The following GSS variants were observed in gnomAD, a reference collection of about 807,000 sequenced individuals.
GSS encodes GSH synthetase.
In GSS, 34 loss-of-function variants were observed where a neutral mutation model predicts 60.4. The ratio of observed to expected loss-of-function variants is 0.56; its 90% CI spans 0.43 to 0.75. GSS has a LOEUF of 0.75. GSS is among the 30% of genes least tolerant of loss of function. The pLI is 0.00. For synonymous variants in GSS, 224 were observed against 239.0 expected (o/e 0.94, Z 0.58); for missense variants, 499 against 595.1 (o/e 0.84, Z 1.68).
chr20:34,930,782 A>G (rs2081395065), intron 11 of GSS, among the ~76,000 whole-genome samples: 2 of 152,078 alleles, frequency 1.3e-5, no homozygotes, highest in Admixed American at 6.5e-5. Flanking sequence ...CAGGATGCAA[A>G]CCATTTTTCC....
At chr20:34,938,441 T>G (rs574745266) in intron 6 of GSS, among the ~76,000 whole-genome samples, 1 of 152,172 alleles carries the variant, frequency 6.6e-6, no homozygotes, top group African/African-American at 2.4e-5. Context: ...TTAAGCTGAG[T>G]CTTGGCTTTG....
chr20:34,945,811 C>T (rs2081516527), intron 3 of GSS, 142 bp downstream of exon 3: 1 of 832,108 alleles, frequency 1.2e-6, no homozygotes, highest in Non-Finnish European at 2.0e-6. Context: ...GCTTTCCTGA[C>T]TCCTATGACT....
intron 3 of GSS, among the ~76,000 whole-genome samples, chr20:34,944,572 C>A (rs576471761): frequency 2.6e-4 from 39 of 152,266 alleles, no homozygotes; most frequent in Admixed American, 4.6e-4. Flanking sequence ...AAAAATTAAT[C>A]AAAGACATGC....
In GSS at chr20:34,931,413, T is replaced by G; in HGVS notation, c.1034A>C (p.Glu345Ala). Residue 345 changes from glutamate to alanine, a missense_variant, in exon 11 of 13, where the codon GAA (glutamate) becomes GCA (alanine). Coordinates refer to ENST00000651619, the MANE Select transcript of GSS (RefSeq NM_000178.4). ...CTCGGCGATGGCCTGGTCCCCTTCT[T>G]CACCCTGGCAGGAGGCAGAAAGCAG... The part of the protein sequence containing the change: ...FAGLYSLDVG[E>A]EGDQAIAEAL... 6.2e-7 allele frequency: 1 copy of G among 1,613,916 alleles called. No individual in the cohort carries two copies. Among genetic ancestry groups the G allele is most frequent in the Non-Finnish European group, 8.5e-7 (1 of 1,179,768 alleles).
intron 1 of GSS, chr20:34,952,062 T>G (rs2081573795): frequency 3.2e-6 from 2 of 620,458 alleles, no homozygotes; most frequent in Non-Finnish European, 5.8e-6. Context: ...GACAAAGCAT[T>G]TCCATTGCCA....
chr20:34,929,718 A>C (rs531478293), intron 11 of GSS, 128 bp from the exon 12 acceptor site: 4 of 817,248 alleles, frequency 4.9e-6, no homozygotes. Context: ...AAGCCAGGGC[A>C]TATCTGGCTT....
chr20:34,934,419 G>C (rs1438068913), intron 9 of GSS, among the ~76,000 whole-genome samples: 3 of 151,794 alleles, frequency 2.0e-5, no homozygotes, highest in Non-Finnish European at 4.4e-5. Context: ...TGGGATTACA[G>C]GGGTATGCCA....
chr20:34,947,597 T>A (rs1455236887), intron 2 of GSS, among the ~76,000 whole-genome samples: 1 of 152,200 alleles, frequency 6.6e-6, no homozygotes, highest in Non-Finnish European at 1.5e-5. Flanking sequence ...TTGATATATA[T>A]GTATACACAT....
rs1484635080 is a variant in GSS at position 34,945,900 on chromosome 20, C to T, written c.275+53G>A. 3.1e-6 allele frequency: 5 copies of T among 1,590,168 alleles called. No individual in the cohort carries two copies. In the African/African-American group the frequency reaches 6.7e-5, roughly 21 times the overall value. On this transcript the variant is annotated intron_variant, in intron 3 of 12. Coordinates refer to ENST00000651619, the MANE Select transcript of GSS (RefSeq NM_000178.4). ...AACACCTCACGGCTCTGCAATCTTC[C>T]AGTTCCTTGGCTCTGGCAGCTCCTG...
Position 34,929,516 on chromosome 20 carries a change from T to A in GSS, c.1186A>T (p.Ile396Phe). 1 of 1,613,684 alleles carries A rather than the reference T, an allele frequency of 6.2e-7. No individual in the cohort carries two copies. The highest frequency in any genetic ancestry group is 8.5e-7 in the Non-Finnish European group (1 of 1,179,552). The change falls in exon 12 of 13, where the codon ATC becomes TTC. Residue 396 changes from isoleucine to phenylalanine, a missense_variant. Ile to Phe is a conservative substitution (Grantham distance 21). Transcript: ENST00000651619. The stretch of plus-strand genomic sequence containing the variant: ...TCAGGTTCGATCTTCTCCATGAGGA[T>A]GTAGGAGGCCCTCTCCTCACTGTCC... ...LKDSEERASY[I>F]LMEKIEPEPF... is the part of the protein sequence containing the mutation.
At chr20:34,945,385 A>AG (rs1367662994) in intron 3 of GSS, among the ~76,000 whole-genome samples, 1 of 149,632 alleles carries the variant, frequency 6.7e-6, no homozygotes, top group African/African-American at 2.4e-5. Context: ...AATCTGAAGA[A>AG]AAAAAAAAAA....
At chr20:34,937,731 G>T (rs2081450907) in intron 6 of GSS, among the ~76,000 whole-genome samples, 1 of 152,192 alleles carries the variant, frequency 6.6e-6, no homozygotes, top group South Asian at 2.1e-4. Context: ...AAAAGCTTAT[G>T]CCAGGGAACT....
At chr20:34,955,525 G>A (rs78400191) in intron 1 of GSS, 3 of 152,428 alleles carry the variant, frequency 2.0e-5, no homozygotes, top group Non-Finnish European at 4.4e-5. Flanking sequence ...CCGATCTAAA[G>A]GCAGAAGATC....
Position 34,945,931 on chromosome 20 carries a change from C to G in GSS, c.275+22G>C, listed in dbSNP as rs571075979. The stretch of plus-strand genomic sequence containing the variant: ...CTTGGCTCTGGCAGCTCCTGGCCCC[C>G]CAATGCTTCACTGTCCCCTACCTGG... On this transcript the variant is annotated intron_variant, in intron 3 of 12. Coordinates refer to ENST00000651619, the MANE Select transcript of GSS (RefSeq NM_000178.4). 781 of 1,613,434 alleles carry G rather than the reference C, an allele frequency of 4.8e-4. 9 individuals carry two copies. The South Asian group carries it at 8.3e-3, about 17-fold the overall frequency.
At chr20:34,932,161 T>C (rs914910179) in intron 9 of GSS, 28 bp from the exon 10 acceptor site, 14 of 1,579,090 alleles carry the variant, frequency 8.9e-6, no homozygotes, top group Non-Finnish European at 1.2e-5. Flanking sequence ...CAAAAGGAAT[T>C]CGACTTTATT....
intron 4 of GSS, 55 bp downstream of exon 4, chr20:34,942,876 C>G: frequency 7.7e-7 from 1 of 1,295,380 alleles, no homozygotes. Flanking sequence ...AAACAGAAAA[C>G]AAACAGAGAT....
chr20:34,936,436 G>A lies in GSS; in HGVS notation c.767+327C>T, dbSNP rs755662270. Among the ~76,000 whole-genome samples the A allele has an allele frequency of 1.8e-4, 27 of 152,170 alleles. 1 individual carries two copies. The highest frequency in any genetic ancestry group is 8.5e-4 in the Admixed American group (13 of 15,280). ...AGACCAATCACAGCATGAGCCAGCT[G>A]CTCCTCTTCCTCCCTGACTGCCCAG... On this transcript the variant is annotated intron_variant, in intron 8 of 12. Transcript: ENST00000651619.
At chr20:34,932,825 T>A (rs1421404685) in intron 9 of GSS, among the ~76,000 whole-genome samples, 2 of 151,310 alleles carry the variant, frequency 1.3e-5, no homozygotes, top group East Asian at 3.9e-4. Context: ...CAAATCCCAA[T>A]TTTTTTTTCC....
At chr20:34,946,885 G>A (rs1457938946) in intron 2 of GSS, among the ~76,000 whole-genome samples, 1 of 152,120 alleles carries the variant, frequency 6.6e-6, no homozygotes, top group Admixed American at 6.5e-5. Flanking sequence ...ATACCATCAA[G>A]GACACTGATT....
Sources: gnomAD v4.1 joint callset for allele counts (sites outside exome capture counted in the v4.1 genomes callset) on GRCh38, gnomAD v4.1.1 for gene constraint, MANE v1.5 for transcripts, NCBI Gene and HGNC (gene_info 2026-07-23, HGNC 2026-07-21) for gene names.